Variants in MTHFD1L observed in about 807,000 individuals in gnomAD.
MTHFD1L encodes the protein methylenetetrahydrofolate dehydrogenase (NADP+ dependent) 1 like, also known as monofunctional C1-tetrahydrofolate synthase, mitochondrial.
A neutral mutation model predicts 119.5 loss-of-function variants in MTHFD1L; 81 were observed. The ratio of observed to expected loss-of-function variants is 0.68; its 90% confidence interval spans 0.57 to 0.82. MTHFD1L has a LOEUF of 0.82. MTHFD1L is among the 40% of genes least tolerant of loss of function. The pLI is 0.00. For missense variants in MTHFD1L, 1,125 were observed against 1,253.4 expected, an observed-to-expected ratio of 0.90 and a Z score of 1.55; for synonymous variants, 430 against 475.2, an observed-to-expected ratio of 0.90 and a Z score of 1.24.
chr6:150,890,568 A>G (rs1783081397), intron 7 of MTHFD1L, among the ~76,000 whole-genome samples: 2 of 152,162 alleles, frequency 1.3e-5, no homozygotes, highest in Admixed American at 6.5e-5. Context: ...CAAATATGTT[A>G]CCGGTGGCAG....
intron 6 of MTHFD1L, among the ~76,000 whole-genome samples, chr6:150,886,000 G>C (rs1382380780): frequency 6.6e-6 from 1 of 152,154 alleles, no homozygotes; most frequent in Non-Finnish European, 1.5e-5. Flanking sequence ...AGAGAAATTA[G>C]TAGAGATAAA....
rs1221042068 is a variant in MTHFD1L, at chr6:150,865,984, T to C, written c.162T>C (p.Asp54=). Reference sequence around the variant, plus strand: ...TGCTTGGACAGCGGCGGCCGCAGGATGGCCAGGCCCGGAGCAGCTGCAGCC... The same window carrying C: ...TGCTTGGACAGCGGCGGCCGCAGGACGGCCAGGCCCGGAGCAGCTGCAGCC... ...EGLLGQRRPQ[D]GQARSSCSPG... Residue 54 remains aspartate (D), a synonymous_variant, in exon 1 of 28, where the codon GAT becomes GAC. Coordinates refer to ENST00000367321, the MANE Select transcript of MTHFD1L (RefSeq NM_015440.5). The C allele has an allele frequency of 3.1e-6, 4 of 1,287,866 alleles. No homozygotes were observed. Among genetic ancestry groups the C allele is most frequent in the East Asian group, 6.3e-5 (2 of 31,634 alleles). 79.8% of individuals were successfully genotyped at this position (1,287,866 alleles called of 1,614,324 possible). A position where few individuals can be genotyped will look rare whatever the true frequency, so the allele number is the denominator to read the frequency against.
intron 24 of MTHFD1L, among the ~76,000 whole-genome samples, chr6:151,027,630 CTT>C (rs769049465): frequency 2.9e-5 from 4 of 138,312 alleles, no homozygotes; most frequent in African/African-American, 5.3e-5. Flanking sequence ...CTGAGCTTGG[CTT>C]TTTTTTTTTT....
intron 9 of MTHFD1L, among the ~76,000 whole-genome samples, chr6:150,920,323 C>T (rs1426719472): frequency 3.3e-5 from 5 of 152,174 alleles, no homozygotes; most frequent in East Asian, 1.9e-4. Flanking sequence ...GACCTAAAGG[C>T]GAAGGTCATC....
intron 11 of MTHFD1L, chr6:150,935,495 G>A: frequency 1.3e-6 from 2 of 1,588,838 alleles, no homozygotes; most frequent in Non-Finnish European, 1.7e-6. Flanking sequence ...TGGCCTAAAG[G>A]AAGGACTTGA....
chr6:150,893,202 T>C (rs916994841), intron 7 of MTHFD1L, among the ~76,000 whole-genome samples: 1 of 152,082 alleles, frequency 6.6e-6, no homozygotes, highest in Non-Finnish European at 1.5e-5. Context: ...GTAGCTGGGA[T>C]TACAGGCGAG....
intron 26 of MTHFD1L, among the ~76,000 whole-genome samples, chr6:151,087,228 G>A (rs28411288): frequency 0.25 from 37,716 of 151,428 alleles, 4,818 homozygotes; most frequent in South Asian, 0.33. Context: ...CAGCCTGGGC[G>A]ACAGAGCCAG....
chr6:150,944,643 C>A, intron 14 of MTHFD1L, 50 bp downstream of exon 14: 1 of 1,379,246 alleles, frequency 7.3e-7, no homozygotes, highest in Non-Finnish European at 1.0e-6. Context: ...CCTGGAATTC[C>A]TGGATTCTTA....
chr6:150,866,376 G>A (rs1048307313), intron 1 of MTHFD1L: 1 of 1,406,556 alleles, frequency 7.1e-7, no homozygotes, highest in Non-Finnish European at 9.2e-7. Context: ...CGCGCCGGGC[G>A]CGACCCAGAC....
At chr6:151,078,367 G>A (rs1045297131) in intron 26 of MTHFD1L, among the ~76,000 whole-genome samples, 20 of 152,148 alleles carry the variant, frequency 1.3e-4, no homozygotes, top group African/African-American at 4.3e-4. Flanking sequence ...GCAAGTAAAT[G>A]AGCAAGTAAA....
Position 150,887,969 on chromosome 6 carries a change from G to A in MTHFD1L, c.768G>A (p.Gln256=). Reference sequence around the variant, plus strand: ...TGAGCATCCAGTGGAAAACACGCCAGCTTCAAAGCAAGGTAAATTTCATGT... The same window carrying A: ...TGAGCATCCAGTGGAAAACACGCCAACTTCAAAGCAAGGTAAATTTCATGT... ...MTMSIQWKTR[Q]LQSKLHEADI... The change falls in exon 7 of 28, where the codon CAG becomes CAA. Residue 256 remains glutamine (Q), a synonymous_variant. Coordinates refer to ENST00000367321, the MANE Select transcript of MTHFD1L (RefSeq NM_015440.5). 1.2e-6 allele frequency: 2 copies of A among 1,600,456 alleles called. No homozygotes were observed. Among genetic ancestry groups the A allele is most frequent in the Non-Finnish European group, 8.5e-7 (1 of 1,175,466 alleles).
Position 150,944,522 on chromosome 6 carries a change from ACCG to A in MTHFD1L, c.1479_1481del (p.Ala495del). ...CTTGACTGGAGACATCCACGCCATC[ACCG>A]CTGCCAATAACTTGCTGGCTGCCGC... On this transcript the variant is annotated inframe_deletion, in exon 14 of 28. Coordinates refer to ENST00000367321, the MANE Select transcript of MTHFD1L (RefSeq NM_015440.5). 6.2e-7 allele frequency: 1 copy of A among 1,614,028 alleles called. No individual in the cohort carries two copies. Among genetic ancestry groups the A allele is most frequent in the Non-Finnish European group, 8.5e-7 (1 of 1,179,974 alleles).
intron 26 of MTHFD1L, chr6:151,054,852 A>C (rs1789634433): frequency 6.6e-6 from 1 of 152,228 alleles, no homozygotes; most frequent in Non-Finnish European, 1.5e-5. Context: ...ACTTGGAGAA[A>C]TAGTGTGTTG....
chr6:151,037,882 T>A (rs1220769371), intron 26 of MTHFD1L, among the ~76,000 whole-genome samples: 2 of 152,090 alleles, frequency 1.3e-5, no homozygotes, highest in East Asian at 3.8e-4. Flanking sequence ...ACCTAGCAGA[T>A]CCCATGGCAA....
At chr6:151,084,828 G>A (rs1043438366) in intron 26 of MTHFD1L, among the ~76,000 whole-genome samples, 2 of 151,248 alleles carry the variant, frequency 1.3e-5, no homozygotes, top group Non-Finnish European at 3.0e-5. Flanking sequence ...TTAGCCAGGC[G>A]TGGTGGCGGG....
rs369734856 is a variant in MTHFD1L, at chr6:150,872,318, C to T, written c.228-3772C>T. ...TTTTGACCTATCTTGGCTTTCAATA[C>T]ACCCTCCTCACTAAGTTTAATTATT... On this transcript the variant is annotated intron_variant, in intron 1 of 27. Coordinates refer to ENST00000367321, the MANE Select transcript of MTHFD1L (RefSeq NM_015440.5). 7.2e-5 allele frequency among the ~76,000 whole-genome samples: 11 copies of T among 152,316 alleles called. No individual in the cohort carries two copies. The East Asian group carries it at 2.1e-3, about 29-fold the overall frequency.
At chr6:151,030,795 C>T (rs1012469351) in intron 24 of MTHFD1L, among the ~76,000 whole-genome samples, 9 of 152,170 alleles carry the variant, frequency 5.9e-5, no homozygotes, top group African/African-American at 2.2e-4. Context: ...GGGGCTGTAT[C>T]CTATCTTGCC....
rs553696201 is a variant in MTHFD1L, at chr6:151,061,434, G to A, written c.2847+24317G>A. Among the ~76,000 whole-genome samples, 9 of 152,284 alleles carry A rather than the reference G, an allele frequency of 5.9e-5. No homozygotes were observed. In the South Asian group the frequency reaches 6.2e-4, roughly 11 times the overall value. On this transcript the variant is annotated intron_variant, in intron 26 of 27. Transcript: ENST00000367321. ...CAAATTTCAGTCTCTCAGAACAAAA[G>A]CAAATGTTCAGCATAGACCATTTTG...
At position 151,017,674 on chromosome 6, in the gene MTHFD1L, C is replaced by T. The variant is rs140184791; in HGVS notation, c.2586+1981C>T. On this transcript the variant is annotated intron_variant, in intron 24 of 27. Coordinates refer to ENST00000367321, the MANE Select transcript of MTHFD1L (RefSeq NM_015440.5). ...TTTCCTTTATTTTTCGGGCTGAATA[C>T]GCTCCCATTCTTTGGATATCCCACA... 9.2e-5 allele frequency among the ~76,000 whole-genome samples: 14 copies of T among 151,640 alleles called. 1 individual carries two copies. Among genetic ancestry groups the T allele is most frequent in the Admixed American group, 2.0e-4 (3 of 15,262 alleles).
Sources: gnomAD v4.1 joint callset for allele counts (sites outside exome capture counted in the v4.1 genomes callset) on GRCh38, gnomAD v4.1.1 for gene constraint, MANE v1.5 for transcripts, NCBI Gene and HGNC (gene_info 2026-07-23, HGNC 2026-07-21) for gene names.